ENTPD4: variants seen among roughly 807,000 people sequenced by gnomAD.
ENTPD4 encodes ectonucleoside triphosphate diphosphohydrolase 4.
ENTPD4 carries 60 observed loss-of-function variants against 79.1 expected under a neutral mutation model. The observed-to-expected ratio is 0.76, with a 90% CI of 0.62 to 0.94. The LOEUF (loss-of-function observed/expected upper bound fraction) is 0.94, where lower values mean the gene tolerates loss of function less well. ENTPD4 is among the 40% of genes least tolerant of loss of function. ENTPD4 has a pLI of 0.00. For synonymous variants in ENTPD4, 276 were observed against 292.0 expected, an observed-to-expected ratio of 0.95 and a Z score of 0.56; for missense variants, 772 against 775.1, an observed-to-expected ratio of 1.00 and a Z score of 0.05.
chr8:23,449,965 T>C lies in ENTPD4; in HGVS notation c.-65A>G. The C allele has an allele frequency of 1.9e-6, 3 of 1,611,668 alleles. No individual in the cohort carries two copies. The highest frequency in any genetic ancestry group is 2.5e-6 in the Non-Finnish European group (3 of 1,177,842). On this transcript the variant is annotated 5_prime_UTR_variant, in exon 2 of 13. Coordinates refer to ENST00000358689, the MANE Select transcript of ENTPD4 (RefSeq NM_004901.5). The stretch of plus-strand genomic sequence containing the variant: ...TCCTTCTCACAAACAATTATAGAAA[T>C]AATGCTGGGGTCCTCACGGAGTTAG...
At chr8:23,453,666 T>C (rs1244696406) in intron 1 of ENTPD4, among the ~76,000 whole-genome samples, 1 of 152,238 alleles carries the variant, frequency 6.6e-6, no homozygotes, top group Non-Finnish European at 1.5e-5. Flanking sequence ...AAAAGGTCGA[T>C]GAGTACTGCT....
At chr8:23,451,241 C>T (rs147740246) in intron 1 of ENTPD4, among the ~76,000 whole-genome samples, 9 of 152,162 alleles carry the variant, frequency 5.9e-5, no homozygotes, top group African/African-American at 9.6e-5. Context: ...AGGCTGGTCT[C>T]GAGCCCCTGA....
At chr8:23,446,091 C>A (rs1174606484) in intron 4 of ENTPD4, among the ~76,000 whole-genome samples, 4 of 152,166 alleles carry the variant, frequency 2.6e-5, no homozygotes, top group Non-Finnish European at 5.9e-5. Flanking sequence ...ATTTCTAGAG[C>A]CTTGCTGCAA....
intron 1 of ENTPD4, among the ~76,000 whole-genome samples, chr8:23,452,122 T>C (rs1317022380): frequency 6.6e-6 from 1 of 152,226 alleles, no homozygotes; most frequent in East Asian, 1.9e-4. Flanking sequence ...GATGCAAGTG[T>C]GAGAATCCAC....
intron 12 of ENTPD4, chr8:23,434,062 AACAG>A (rs141670740): frequency 0.061 from 27,934 of 461,532 alleles, 1,099 homozygotes; most frequent in Middle Eastern, 0.13. Context: ...GGGGCTGGGG[AACAG>A]ACAGTTGAGA....
rs1800428868 is a variant in ENTPD4, at chr8:23,430,099, G to A, written c.*2827C>T. The stretch of plus-strand genomic sequence containing the variant: ...TGCCTTCTTGGTCAGCTCTTGGTAT[G>A]AATTCTTCTCTTGAATTAAGATCCT... On this transcript the variant is annotated 3_prime_UTR_variant, in exon 13 of 13. Transcript: ENST00000358689. 2.0e-6 allele frequency: 2 copies of A among 985,318 alleles called. No individual in the cohort carries two copies. The allele number at this position is 985,318 out of a possible 1,614,324, so 61.0% of individuals were successfully genotyped here.
chr8:23,439,507 G>T (rs1800629952), intron 9 of ENTPD4, among the ~76,000 whole-genome samples: 1 of 152,230 alleles, frequency 6.6e-6, no homozygotes, highest in South Asian at 2.1e-4. Flanking sequence ...TAATCCATCA[G>T]TTGAGATGCG....
intron 4 of ENTPD4, among the ~76,000 whole-genome samples, chr8:23,445,152 C>A (rs1319239655): frequency 6.6e-6 from 1 of 152,216 alleles, no homozygotes; most frequent in East Asian, 1.9e-4. Flanking sequence ...CACCCAGCAG[C>A]CCAAGCCAGG....
At position 23,457,608 on chromosome 8, in the gene ENTPD4, T is replaced by C. The variant is rs1038758299; in HGVS notation, c.-149A>G. On this transcript the variant is annotated 5_prime_UTR_variant, in exon 1 of 13. An upstream start codon of the reference 5' UTR is lost. Coordinates refer to ENST00000358689, the MANE Select transcript of ENTPD4 (RefSeq NM_004901.5). Reference sequence around the variant, plus strand: ...AGCGGGGGACCACCAGTGGGCAGCATCACGGCCAGCCGGCTTCCTGGAGGC... The same window carrying C: ...AGCGGGGGACCACCAGTGGGCAGCACCACGGCCAGCCGGCTTCCTGGAGGC... 6.6e-6 allele frequency: 1 copy of C among 151,712 alleles called. No individual in the cohort carries two copies. Among genetic ancestry groups the C allele is most frequent in the African/African-American group, 2.4e-5 (1 of 41,354 alleles). 9.4% of individuals were successfully genotyped at this position (151,712 alleles called of 1,614,324 possible).
At position 23,432,289 on chromosome 8, in the gene ENTPD4, G is replaced by A. The variant is rs1441347321; in HGVS notation, c.*637C>T. The A allele has an allele frequency of 1.0e-6, 1 of 985,158 alleles. No individual in the cohort carries two copies. The highest frequency in any genetic ancestry group is 1.2e-6 in the Non-Finnish European group (1 of 829,924). The allele number at this position is 985,158 out of a possible 1,614,324, so 61.0% of individuals were successfully genotyped here. ...ATCACTATTCAGTCCCCTCTCCACT[G>A]ACAGAATGCATCTTTCCACCTCCCT... On this transcript the variant is annotated 3_prime_UTR_variant, in exon 13 of 13. Transcript: ENST00000358689.
intron 9 of ENTPD4, among the ~76,000 whole-genome samples, chr8:23,438,346 C>A (rs1163560658): frequency 6.6e-6 from 1 of 152,172 alleles, no homozygotes; most frequent in Non-Finnish European, 1.5e-5. Context: ...TTCCTCAGAT[C>A]AGGGTTACTC....
chr8:23,448,856 A>G lies in ENTPD4; in HGVS notation c.92T>C (p.Leu31Ser). ...GACACTAATGACCATAATTTGGCGT[A>G]AATTGGTATTCAGAATTCGAGGACA... ...VGCPRILNTN[L>S]RQIMVISVLA... Residue 31 changes from leucine (L) to serine (S), a missense_variant, in exon 3 of 13, where the codon TTA (leucine) becomes TCA (serine). By Grantham distance (145) the Leu-to-Ser change is moderately radical. Transcript: ENST00000358689. The G allele has an allele frequency of 3.7e-6, 6 of 1,614,138 alleles. No homozygotes were observed. The highest frequency in any genetic ancestry group is 4.2e-6 in the Non-Finnish European group (5 of 1,179,946).
chr8:23,454,802 A>G (rs1387794039), intron 1 of ENTPD4, among the ~76,000 whole-genome samples: 1 of 152,234 alleles, frequency 6.6e-6, no homozygotes, highest in Non-Finnish European at 1.5e-5. Flanking sequence ...CAGAGAAAAT[A>G]GGACAGCTTA....
chr8:23,437,072 G>T lies in ENTPD4; in HGVS notation c.1236C>A (p.Ser412=), dbSNP rs757878495. The part of the protein sequence containing the change: ...FMNKTNETQT[S]LNGVYQPPIH... ...TTGGGGGCTGGTAGACCCCATTGAG[G>T]GAAGTCTGGGTCTCGTTTGTTTTAT... The change falls in exon 10 of 13, where the codon TCC becomes TCA. Residue 412 remains serine, a synonymous_variant. Coordinates refer to ENST00000358689, the MANE Select transcript of ENTPD4 (RefSeq NM_004901.5). 8 of 1,614,182 alleles carry T rather than the reference G, an allele frequency of 5.0e-6. No individual in the cohort carries two copies. Among genetic ancestry groups the T allele is most frequent in the Non-Finnish European group, 6.8e-6 (8 of 1,180,024 alleles).
In ENTPD4 at chr8:23,430,820, C is replaced by A; in HGVS notation, c.*2106G>T. ...CTGCTGCTGACACCAGTGGCTCCAT[C>A]GCCAGCTCCCTGCAGCCTCCACCAA... On this transcript the variant is annotated 3_prime_UTR_variant, in exon 13 of 13. Transcript: ENST00000358689. 1.0e-6 allele frequency: 1 copy of A among 985,666 alleles called. No homozygotes were observed. The allele number at this position is 985,666 out of a possible 1,614,324, so 61.1% of individuals were successfully genotyped here.
intron 1 of ENTPD4, among the ~76,000 whole-genome samples, chr8:23,450,683 A>T (rs1201235549): frequency 1.3e-5 from 2 of 152,214 alleles, no homozygotes; most frequent in Non-Finnish European, 2.9e-5. Flanking sequence ...GACTACTCTT[A>T]TGTTTCCAGG....
chr8:23,438,474 TCATGA>T (rs1191872517), intron 9 of ENTPD4, among the ~76,000 whole-genome samples: 1 of 152,232 alleles, frequency 6.6e-6, no homozygotes, highest in Non-Finnish European at 1.5e-5. Flanking sequence ...AATGCTCAAT[TCATGA>T]CATATGAAAC....
intron 1 of ENTPD4, 33 bp from the exon 2 acceptor site, chr8:23,450,030 A>G (rs377393573): frequency 9.0e-7 from 1 of 1,115,160 alleles, no homozygotes; most frequent in African/African-American, 1.5e-5. Flanking sequence ...TCACAAAGAT[A>G]GCATCATCAA....
chr8:23,439,795 G>A lies in ENTPD4; in HGVS notation c.1003C>T (p.Gln335Ter). Reference protein sequence around the residue: ...FLGFGGNAARQRYEDRIFANT... With the variant: ...FLGFGGNAAR ...GCAAATATTCTGTCTTCGTATCTCT[G>A]TCGAGCAGCATTGCCACCAAACCCA... Residue 335 changes from glutamine (Q) to a stop codon, truncating the protein, a stop_gained, in exon 9 of 13, where the codon CAG becomes TAG. Transcript: ENST00000358689. LOFTEE classifies it high-confidence loss of function. The A allele has an allele frequency of 6.2e-7, 1 of 1,614,130 alleles. No individual in the cohort carries two copies. The highest frequency in any genetic ancestry group is 8.5e-7 in the Non-Finnish European group (1 of 1,180,012).
Sources: allele counts gnomAD v4.1 joint callset (sites outside exome capture counted in the v4.1 genomes callset), GRCh38; gene constraint gnomAD v4.1.1; transcripts MANE v1.5; gene names NCBI Gene and HGNC (gene_info 2026-07-23, HGNC 2026-07-21).